The following ADAMTS9 variants were observed in gnomAD, a reference collection of about 807,000 sequenced individuals.
ADAMTS9 encodes A disintegrin and metalloproteinase with thrombospondin motifs 9.
A neutral mutation model predicts 257.1 loss-of-function variants in ADAMTS9; 107 were observed. The ratio of observed to expected loss-of-function variants is 0.42; its 90% CI spans 0.36 to 0.49. The LOEUF (loss-of-function observed/expected upper bound fraction) is 0.49, where lower values mean the gene tolerates loss of function less well. Ranked by LOEUF, ADAMTS9 falls within the 20% of genes least tolerant of loss-of-function variation. ADAMTS9 has a pLI of 0.03. For synonymous variants in ADAMTS9, 982 were observed against 880.9 expected (o/e 1.11, Z -2.03); for missense variants, 2,353 against 2,469.1 (o/e 0.95, Z 1.00).
intron 16 of ADAMTS9, among the ~76,000 whole-genome samples, chr3:64,629,422 G>C (rs1485509770): frequency 6.6e-6 from 1 of 152,314 alleles, no homozygotes; most frequent in African/African-American, 2.4e-5. Context: ...ACCTAGGAGT[G>C]TCCTCTGTGC....
In ADAMTS9 at chr3:64,655,627, G is replaced by A. The variant is rs746299995; in HGVS notation, c.1118C>T (p.Ser373Leu). The A allele has an allele frequency of 1.7e-5, 28 of 1,613,956 alleles. No homozygotes were observed. Among genetic ancestry groups the A allele is most frequent in the African/African-American group, 2.7e-5 (2 of 74,884 alleles). The stretch of plus-strand genomic sequence containing the variant: ...ATGGATTCCACCTGGACTGTTCTTC[G>A]AATGCTGCCACTGGCAAAAGTTTTT... ...TLKNFCQWQH[S>L]KNSPGGIHHD... The change falls in exon 6 of 40, where the codon TCG becomes TTG. Residue 373 changes from serine (S) to leucine (L), a missense_variant. This residue lies in a region of ADAMTS9 where 591 missense variants were observed against 569.6 expected (regional missense o/e 1.04). Transcript: ENST00000498707.
chr3:64,539,645 G>C (rs1223118327), intron 36 of ADAMTS9, among the ~76,000 whole-genome samples: 1 of 152,172 alleles, frequency 6.6e-6, no homozygotes, highest in Non-Finnish European at 1.5e-5. Flanking sequence ...TTGGCTGGCT[G>C]AGAACCTCCT....
intron 28 of ADAMTS9, among the ~76,000 whole-genome samples, chr3:64,590,670 G>A (rs182985116): frequency 2.0e-5 from 3 of 152,142 alleles, no homozygotes; most frequent in East Asian, 3.9e-4. Context: ...ACTTTAATAC[G>A]AAAATGAGGT....
chr3:64,608,455 T>A (rs540917539), intron 22 of ADAMTS9, among the ~76,000 whole-genome samples: 1 of 151,926 alleles, frequency 6.6e-6, no homozygotes, highest in East Asian at 1.9e-4. Context: ...TTACTGAATA[T>A]CAGAAATGAA....
intron 4 of ADAMTS9, among the ~76,000 whole-genome samples, chr3:64,657,231 C>T (rs1044251887): frequency 6.6e-6 from 1 of 152,142 alleles, no homozygotes; most frequent in Non-Finnish European, 1.5e-5. Context: ...GTAAAACACA[C>T]TGGATTTTGA....
chr3:64,675,665 A>G (rs955197969), intron 3 of ADAMTS9, among the ~76,000 whole-genome samples: 2 of 152,154 alleles, frequency 1.3e-5, no homozygotes, highest in African/African-American at 4.8e-5. Context: ...AGCAGTTTCC[A>G]TTTGTGTTTT....
At chr3:64,622,815 C>G (rs544517524) in intron 16 of ADAMTS9, among the ~76,000 whole-genome samples, 17 of 152,214 alleles carry the variant, frequency 1.1e-4, no homozygotes, top group African/African-American at 4.1e-4. Context: ...GATAAAAGCA[C>G]CTACTCCCTT....
intron 37 of ADAMTS9, among the ~76,000 whole-genome samples, chr3:64,538,804 T>A (rs371844363): frequency 6.6e-6 from 1 of 152,098 alleles, no homozygotes; most frequent in African/African-American, 2.4e-5. Flanking sequence ...ACCATGGCAA[T>A]TGACAAATGT....
chr3:64,622,011 T>A (rs61316794), intron 18 of ADAMTS9, among the ~76,000 whole-genome samples, 187 bp downstream of exon 18: 4,521 of 152,026 alleles, frequency 0.03, 217 homozygotes, highest in African/African-American at 0.1. Context: ...AATCTAAAAT[T>A]TCTTGAATCA....
chr3:64,670,030 G>C (rs1350561912), intron 3 of ADAMTS9, among the ~76,000 whole-genome samples: 2 of 152,184 alleles, frequency 1.3e-5, no homozygotes, highest in Non-Finnish European at 2.9e-5. Flanking sequence ...GAAGCTTTCA[G>C]GATTTATGGA....
chr3:64,627,853 T>C (rs1700264727), intron 16 of ADAMTS9, among the ~76,000 whole-genome samples: 1 of 152,150 alleles, frequency 6.6e-6, no homozygotes, highest in Non-Finnish European at 1.5e-5. Context: ...TGCTTAGCAA[T>C]GGAACAGCTG....
chr3:64,596,703 T>C (rs1349680279), intron 27 of ADAMTS9, 127 bp downstream of exon 27: 2 of 1,131,636 alleles, frequency 1.8e-6, no homozygotes, highest in Admixed American at 4.8e-5. Flanking sequence ...ACAGGTTTCC[T>C]AGTTAATCCC....
chr3:64,577,848 CTATG>C (rs2083892070), intron 28 of ADAMTS9, among the ~76,000 whole-genome samples: 1 of 152,130 alleles, frequency 6.6e-6, no homozygotes, highest in Non-Finnish European at 1.5e-5. Flanking sequence ...AAAGAACTAT[CTATG>C]TGTCAACAAG....
intron 39 of ADAMTS9, among the ~76,000 whole-genome samples, chr3:64,517,415 G>GTTTTTTTTTTTTT (rs1242670245): frequency 1.7e-4 from 2 of 11,544 alleles, no homozygotes; most frequent in African/African-American, 2.9e-4. Context: ...AATTAAAAAT[G>GTTTTTTTTTTTTT]GTTTTTTTTT....
intron 38 of ADAMTS9, among the ~76,000 whole-genome samples, chr3:64,527,162 C>T (rs1041774564): frequency 1.3e-5 from 2 of 152,080 alleles, no homozygotes; most frequent in Non-Finnish European, 2.9e-5. Context: ...TTAGAAGCAC[C>T]CACTCACATT....
intron 28 of ADAMTS9, chr3:64,592,731 G>T (rs74696520): frequency 6.6e-6 from 1 of 151,840 alleles, no homozygotes; most frequent in Non-Finnish European, 1.5e-5. Context: ...ACAAGAATAT[G>T]CAATAAATAG....
intron 3 of ADAMTS9, among the ~76,000 whole-genome samples, chr3:64,671,259 G>C (rs1701478125): frequency 6.6e-6 from 1 of 152,170 alleles, no homozygotes; most frequent in Admixed American, 6.5e-5. Flanking sequence ...ACTGTGCTTA[G>C]TGATTATTTA....
intron 28 of ADAMTS9, chr3:64,586,991 C>A (rs1368236960): frequency 6.6e-6 from 1 of 152,192 alleles, no homozygotes; most frequent in Non-Finnish European, 1.5e-5. Flanking sequence ...ATCATTCAAG[C>A]CTTGCCCTTT....
In ADAMTS9 at chr3:64,616,054, T is replaced by C. The variant is rs772241356; in HGVS notation, c.2930A>G (p.Asp977Gly). The change falls in exon 20 of 40, where the codon GAT (aspartate) becomes GGT (glycine). Residue 977 changes from aspartate (D) to glycine (G), a missense_variant. Asp to Gly is a moderately conservative substitution (Grantham distance 94, BLOSUM62 -1). This residue lies in a region of ADAMTS9 where 1,402 missense variants were observed against 1,441.4 expected (regional missense o/e 0.97). Coordinates refer to ENST00000498707, the MANE Select transcript of ADAMTS9 (RefSeq NM_182920.2). ...TTTGGGATGGCTGCTGCAAAAACCA[T>C]CATCAACCTTCTCAGTCTTCCCATC... ...RLDGKTEKVD[D>G]GFCSSHPKPS... 39 of 1,614,024 alleles carry C rather than the reference T, an allele frequency of 2.4e-5. No homozygotes were observed. Among genetic ancestry groups the C allele is most frequent in the Non-Finnish European group, 3.3e-5 (39 of 1,179,974 alleles).
Sources: gnomAD v4.1 joint callset for allele counts (sites outside exome capture counted in the v4.1 genomes callset) on GRCh38, gnomAD v4.1.1 for gene constraint, gnomAD v4.1.1 regional missense constraint, MANE v1.5 for transcripts, NCBI Gene and HGNC (gene_info 2026-07-23, HGNC 2026-07-21) for gene names.